The following THUMPD2 variants were observed in gnomAD, a reference collection of about 807,000 sequenced individuals.
The protein encoded by THUMPD2 is U6 snRNA (guanine-N(2))-methyltransferase THUMPD2.
In THUMPD2, 56 loss-of-function variants were observed where a neutral mutation model predicts 49.4. The ratio of observed to expected loss-of-function variants is 1.13; its 90% CI spans 0.91 to 1.41. THUMPD2 has a LOEUF of 1.41. Ranked by LOEUF, THUMPD2 falls within the 40% of genes most tolerant of loss-of-function variation. The probability of loss-of-function intolerance (pLI) is 0.00; values close to 1 mark genes in which losing one functional copy is unlikely to be tolerated. For missense variants in THUMPD2, 709 were observed against 594.5 expected (o/e 1.19, Z -2.00); for synonymous variants, 237 against 205.2 (o/e 1.15, Z -1.32).
chr2:39,756,482 A>AT (rs1676143128), intron 6 of THUMPD2, among the ~76,000 whole-genome samples: 1 of 152,094 alleles, frequency 6.6e-6, no homozygotes. Context: ...CAAAAAAAAA[A>AT]AAAAAATGGC....
At chr2:39,774,013 G>A (rs1480115019) in intron 1 of THUMPD2, among the ~76,000 whole-genome samples, 1 of 152,234 alleles carries the variant, frequency 6.6e-6, no homozygotes, top group Non-Finnish European at 1.5e-5. Flanking sequence ...TGTCTGCATA[G>A]GTTTTCTCTG....
At chr2:39,746,177 G>A (rs182178728) in intron 8 of THUMPD2, among the ~76,000 whole-genome samples, 14 of 152,240 alleles carry the variant, frequency 9.2e-5, no homozygotes, top group Non-Finnish European at 1.8e-4. Context: ...AAACCAGTGC[G>A]CCATCCTTCA....
chr2:39,766,196 C>A (rs1677494446), intron 4 of THUMPD2, 87 bp from the exon 5 acceptor site: 2 of 971,950 alleles, frequency 2.1e-6, no homozygotes, highest in Non-Finnish European at 3.0e-6. Flanking sequence ...TTTAAACTTA[C>A]ATGATCTATG....
At position 39,767,603 on chromosome 2, in the gene THUMPD2, C is replaced by CAAAAAAAAAA. The variant is rs57906396; in HGVS notation, c.750+811_750+820dup. Among the ~76,000 whole-genome samples, 100 of 67,792 alleles carry CAAAAAAAAAA rather than the reference C, an allele frequency of 1.5e-3. 3 individuals carry two copies. The highest frequency in any genetic ancestry group is 4.7e-3 in the South Asian group (8 of 1,720). 44.5% of individuals were successfully genotyped at this position (67,792 alleles called of 152,430 possible). ...TGGGCGACAGAGCGAGACTCCGTCT[C>CAAAAAAAAAA]AAAAAAAAAAAAAAAAAAAGAATTG... On this transcript the variant is annotated intron_variant, in intron 4 of 9. Transcript: ENST00000505747.
chr2:39,748,222 T>A (rs1674865450), intron 8 of THUMPD2, among the ~76,000 whole-genome samples: 1 of 152,230 alleles, frequency 6.6e-6, no homozygotes, highest in African/African-American at 2.4e-5. Context: ...GGCAACTTTT[T>A]TTTGGTAAAG....
chr2:39,759,446 CATGAG>C (rs1454400605), intron 6 of THUMPD2, among the ~76,000 whole-genome samples: 1 of 151,864 alleles, frequency 6.6e-6, no homozygotes, highest in Admixed American at 6.6e-5. Flanking sequence ...GTCATGATCC[CATGAG>C]ATATTACTAC....
intron 8 of THUMPD2, 108 bp from the exon 9 acceptor site, chr2:39,744,586 A>G: frequency 1.5e-6 from 1 of 662,788 alleles, no homozygotes; most frequent in Non-Finnish European, 2.5e-6. Flanking sequence ...ACAGATTAAC[A>G]TTTAGGGTTG....
At chr2:39,744,553 G>A in intron 8 of THUMPD2, 75 bp from the exon 9 acceptor site, 1 of 946,204 alleles carries the variant, frequency 1.1e-6, no homozygotes, top group Non-Finnish European at 1.6e-6. Flanking sequence ...GAAAATTGAA[G>A]TACACAGGAT....
Position 39,769,954 on chromosome 2 carries a change from A to G in THUMPD2, c.428T>C (p.Ile143Thr). The change falls in exon 3 of 10, where the codon ATT becomes ACT. Residue 143 changes from isoleucine to threonine, a missense_variant. By Grantham distance (89) the Ile-to-Thr change is moderately conservative. Coordinates refer to ENST00000505747, the MANE Select transcript of THUMPD2 (RefSeq NM_025264.5). ...LKRKVGENEI[I>T]AKKLKIEQMQ... ...TTGTTCTATTTTTAATTTCTTTGCA[A>G]TGATTTCATTTTCTCCCACTTTTCT... 1 of 1,578,256 alleles carries G rather than the reference A, an allele frequency of 6.3e-7. No homozygotes were observed. The highest frequency in any genetic ancestry group is 8.5e-7 in the Non-Finnish European group (1 of 1,170,270).
chr2:39,758,953 T>C (rs1387035154), intron 6 of THUMPD2, among the ~76,000 whole-genome samples: 4 of 152,160 alleles, frequency 2.6e-5, no homozygotes, highest in Non-Finnish European at 4.4e-5. Context: ...CACATACCTT[T>C]TGAAGCTAAA....
At chr2:39,750,953 C>T (rs1262422676) in intron 8 of THUMPD2, among the ~76,000 whole-genome samples, 1 of 152,142 alleles carries the variant, frequency 6.6e-6, no homozygotes. Context: ...GAGTTTGTTA[C>T]AAAACAGAAG....
intron 8 of THUMPD2, among the ~76,000 whole-genome samples, chr2:39,753,601 G>A (rs1424048947): frequency 2.0e-5 from 3 of 152,064 alleles, no homozygotes; most frequent in Non-Finnish European, 4.4e-5. Context: ...AATTTAACAG[G>A]TCCTAAACTC....
chr2:39,737,135 G>A, intron 9 of THUMPD2, 76 bp from the exon 10 acceptor site: 2 of 1,340,524 alleles, frequency 1.5e-6, no homozygotes, highest in Non-Finnish European at 2.0e-6. Flanking sequence ...ATTTAAAATG[G>A]TTCATGTTTT....
At chr2:39,773,616 T>C (rs1678663158) in intron 1 of THUMPD2, among the ~76,000 whole-genome samples, 1 of 138,530 alleles carries the variant, frequency 7.2e-6, no homozygotes, top group Non-Finnish European at 1.5e-5. Flanking sequence ...AAAATATATA[T>C]ATATTTATAT....
intron 3 of THUMPD2, 105 bp downstream of exon 3, chr2:39,769,605 G>C: frequency 8.3e-7 from 1 of 1,208,464 alleles, no homozygotes; most frequent in Non-Finnish European, 1.1e-6. Flanking sequence ...AGGAGGCTGA[G>C]GCAAAAGAAT....
chr2:39,748,193 T>A (rs924471229), intron 8 of THUMPD2, among the ~76,000 whole-genome samples: 7 of 152,218 alleles, frequency 4.6e-5, no homozygotes, highest in Non-Finnish European at 8.8e-5. Flanking sequence ...ATATTCTGAA[T>A]AAAATGCCAT....
chr2:39,744,042 GTTT>G (rs11303287), intron 9 of THUMPD2, among the ~76,000 whole-genome samples: 3 of 142,374 alleles, frequency 2.1e-5, no homozygotes. Context: ...GAGAAGGCAG[GTTT>G]TTTTTTTTTT....
rs755651959 is a variant in THUMPD2, at chr2:39,761,356, G to GC, written c.865dup (p.Ala289GlyfsTer7). ...CTTAATGTCAGCCAGAGATGCCATT[G>GC]CCCACGCTATTGTAGATCGCAGTCC... On this transcript the variant is annotated frameshift_variant, in exon 6 of 10. Coordinates refer to ENST00000505747, the MANE Select transcript of THUMPD2 (RefSeq NM_025264.5). LOFTEE classifies it high-confidence loss of function. 3 of 1,613,738 alleles carry GC rather than the reference G, an allele frequency of 1.9e-6. No homozygotes were observed. The highest frequency in any genetic ancestry group is 2.5e-6 in the Non-Finnish European group (3 of 1,179,738).
intron 4 of THUMPD2, among the ~76,000 whole-genome samples, chr2:39,767,367 G>A (rs1166016683): frequency 6.6e-6 from 1 of 151,956 alleles, no homozygotes; most frequent in African/African-American, 2.4e-5. Context: ...CACTTTGGGA[G>A]GCCGAGGCGG....
Sources: gnomAD v4.1 joint callset for allele counts (sites outside exome capture counted in the v4.1 genomes callset) on GRCh38, gnomAD v4.1.1 for gene constraint, MANE v1.5 for transcripts, NCBI Gene and HGNC (gene_info 2026-07-23, HGNC 2026-07-21) for gene names.